The following PLPPR1 variants were observed in gnomAD, a reference collection of about 807,000 sequenced individuals.
The protein encoded by PLPPR1 is phospholipid phosphatase-related protein type 1.
Under a neutral mutation model 33.1 loss-of-function variants are expected in PLPPR1, and 10 were observed. That is an observed-to-expected ratio of 0.30 (90% CI 0.19 to 0.51). The LOEUF is 0.51. Among genes scored for constraint, PLPPR1 ranks in the 20% least tolerant of loss-of-function variants. The pLI, the probability that PLPPR1 is intolerant of heterozygous loss-of-function variation, is 0.97. For synonymous variants in PLPPR1, 151 were observed against 151.0 expected (o/e 1.00, Z 0.00); for missense variants, 304 against 408.1 (o/e 0.74, Z 2.20).
At position 101,324,889 on chromosome 9, in the gene PLPPR1, CAG is replaced by C. The variant is rs1037808952; in HGVS notation, c.*836_*837del. On this transcript the variant is annotated 3_prime_UTR_variant, in exon 8 of 8. Transcript: ENST00000374874. ...CAGTATTATTTTACAGAAAAGGAATCAGAGAATCTACAACATAGGGCCCCAGA... is the reference window on the plus strand; with the variant it reads ...CAGTATTATTTTACAGAAAAGGAATCAGAATCTACAACATAGGGCCCCAGA... The C allele has an allele frequency of 6.6e-6, 1 of 152,586 alleles. No individual in the cohort carries two copies. The highest frequency in any genetic ancestry group is 1.5e-5 in the Non-Finnish European group (1 of 68,026). The allele number at this position is 152,586 out of a possible 1,614,324, so 9.5% of individuals were successfully genotyped here.
intron 1 of PLPPR1, among the ~76,000 whole-genome samples, chr9:101,054,016 T>C (rs1404462860): frequency 3.9e-5 from 6 of 152,060 alleles, no homozygotes; most frequent in Non-Finnish European, 7.4e-5. Context: ...AAACCCCGTC[T>C]CTACTAAAAA....
intron 6 of PLPPR1, among the ~76,000 whole-genome samples, chr9:101,316,984 T>C (rs1359085534): frequency 1.3e-5 from 2 of 152,074 alleles, no homozygotes; most frequent in South Asian, 4.1e-4. Context: ...CTTATGAAAT[T>C]GTTGGGTGGG....
At chr9:101,146,328 A>G (rs905852039) in intron 1 of PLPPR1, among the ~76,000 whole-genome samples, 1 of 152,200 alleles carries the variant, frequency 6.6e-6, no homozygotes, top group South Asian at 2.1e-4. Flanking sequence ...ACAGTCTTGA[A>G]TGAAAAAGGG....
intron 1 of PLPPR1, among the ~76,000 whole-genome samples, chr9:101,034,765 T>C (rs1231681378): frequency 3.3e-5 from 5 of 151,800 alleles, no homozygotes; most frequent in East Asian, 1.9e-4. Context: ...GCTTTGACTT[T>C]ATGCTCAGGA....
chr9:101,150,822 T>C lies in PLPPR1; in HGVS notation c.-45-34628T>C, dbSNP rs552657752. On this transcript the variant is annotated intron_variant, in intron 1 of 7. Transcript: ENST00000374874. ...GGATATGACCTGCTTCTTTATGATA[T>C]GTTTGTGAACTCAGATCTCATTGCC... 3.3e-5 allele frequency among the ~76,000 whole-genome samples: 5 copies of C among 152,220 alleles called. No individual in the cohort carries two copies. In the East Asian group the frequency reaches 9.7e-4, roughly 29 times the overall value.
intron 2 of PLPPR1, among the ~76,000 whole-genome samples, chr9:101,259,303 T>C (rs1028698733): frequency 2.0e-5 from 3 of 152,172 alleles, no homozygotes; most frequent in African/African-American, 7.2e-5. Flanking sequence ...TGGCTTGGAC[T>C]CTATTCGAAT....
At chr9:101,072,531 C>A (rs1051288920) in intron 1 of PLPPR1, among the ~76,000 whole-genome samples, 1 of 151,956 alleles carries the variant, frequency 6.6e-6, no homozygotes, top group Non-Finnish European at 1.5e-5. Context: ...TAACAAATCA[C>A]GCTGTGCCAC....
intron 2 of PLPPR1, among the ~76,000 whole-genome samples, chr9:101,210,230 C>A (rs537742032): frequency 6.6e-6 from 1 of 152,226 alleles, no homozygotes; most frequent in South Asian, 2.1e-4. Context: ...ATTGCATATA[C>A]CTTGAAGAAA....
At chr9:101,029,644 A>T (rs534847306) in intron 1 of PLPPR1, among the ~76,000 whole-genome samples, 29 of 152,030 alleles carry the variant, frequency 1.9e-4, no homozygotes, top group Non-Finnish European at 2.1e-4. Flanking sequence ...TGTGTGTGTC[A>T]CCTGGAAAAT....
chr9:101,049,264 G>C (rs1299212480), intron 1 of PLPPR1, among the ~76,000 whole-genome samples: 1 of 152,098 alleles, frequency 6.6e-6, no homozygotes, highest in Non-Finnish European at 1.5e-5. Context: ...AAAAATAAGG[G>C]TATGAATATT....
intron 5 of PLPPR1, among the ~76,000 whole-genome samples, chr9:101,311,058 T>G (rs56198539): frequency 0.073 from 11,160 of 152,194 alleles, 455 homozygotes; most frequent in South Asian, 0.14. Context: ...CCTAATTATC[T>G]AGAACCTAAA....
rs1473791985 is a variant in PLPPR1 at position 101,040,615 on chromosome 9, C to T, written c.-46+11513C>T. Among the ~76,000 whole-genome samples the T allele has an allele frequency of 3.3e-5, 5 of 152,286 alleles. No individual in the cohort carries two copies. In the East Asian group the frequency reaches 5.8e-4, roughly 18 times the overall value. ...GTTCTGCAAAAACTTGAATGTCTCC[C>T]TTTCCCACCACCACATCTGCTCAAG... is the stretch of plus-strand genomic sequence containing the variant. On this transcript the variant is annotated intron_variant, in intron 1 of 7. Coordinates refer to ENST00000374874, the MANE Select transcript of PLPPR1 (RefSeq NM_207299.2).
chr9:101,312,925 C>T lies in PLPPR1; in HGVS notation c.764C>T (p.Ser255Leu), dbSNP rs769495669. The change falls in exon 6 of 8, where the codon TCG (serine) becomes TTG (leucine). Residue 255 changes from serine (S) to leucine (L), a missense_variant. Transcript: ENST00000374874. ...NRVSEYRNHC[S>L]DVIAGFILGT... ...GTCTCTGAGTATCGGAACCACTGCT[C>T]GGACGTGATTGCTGGTTTCATCCTG... 8 of 1,614,024 alleles carry T rather than the reference C, an allele frequency of 5.0e-6. No individual in the cohort carries two copies. The highest frequency in any genetic ancestry group is 1.3e-5 in the African/African-American group (1 of 74,904).
chr9:101,159,824 C>T (rs1397165275), intron 1 of PLPPR1, among the ~76,000 whole-genome samples: 9 of 152,202 alleles, frequency 5.9e-5, no homozygotes, highest in Non-Finnish European at 1.2e-4. Flanking sequence ...AAATGAACAA[C>T]TACTGTATTC....
rs1298517387 is a variant in PLPPR1 at position 101,195,936 on chromosome 9, C to G, written c.63+10379C>G. Among the ~76,000 whole-genome samples, 5 of 152,280 alleles carry G rather than the reference C, an allele frequency of 3.3e-5. No homozygotes were observed. In the South Asian group the frequency reaches 8.3e-4, roughly 25 times the overall value. ...GGAGCATAAGCCCAGGCAACCATTC[C>G]AAGATAATGGCAGACTCTGAAGTGA... On this transcript the variant is annotated intron_variant, in intron 2 of 7. Coordinates refer to ENST00000374874, the MANE Select transcript of PLPPR1 (RefSeq NM_207299.2).
intron 2 of PLPPR1, among the ~76,000 whole-genome samples, chr9:101,248,165 A>G (rs1472108339): frequency 6.6e-6 from 1 of 152,034 alleles, no homozygotes; most frequent in Non-Finnish European, 1.5e-5. Context: ...AAATGTGAAG[A>G]CACCATTGAA....
chr9:101,293,526 A>G (rs1238613605), intron 4 of PLPPR1, among the ~76,000 whole-genome samples: 6 of 152,176 alleles, frequency 3.9e-5, no homozygotes, highest in African/African-American at 1.2e-4. Flanking sequence ...CACCACACCT[A>G]TTCCAAAATT....
At chr9:101,288,082 G>C (rs888592002) in intron 4 of PLPPR1, among the ~76,000 whole-genome samples, 2 of 152,122 alleles carry the variant, frequency 1.3e-5, no homozygotes, top group African/African-American at 4.8e-5. Context: ...CTTGGAGCAG[G>C]GTCCAAGGAA....
At chr9:101,072,156 C>T (rs371730253) in intron 1 of PLPPR1, among the ~76,000 whole-genome samples, 2 of 152,194 alleles carry the variant, frequency 1.3e-5, no homozygotes, top group South Asian at 2.1e-4. Context: ...AGTCTAGCGT[C>T]AATACTGTAA....
Sources: allele counts gnomAD v4.1 joint callset (sites outside exome capture counted in the v4.1 genomes callset), GRCh38; gene constraint gnomAD v4.1.1; transcripts MANE v1.5; gene names NCBI Gene and HGNC (gene_info 2026-07-23, HGNC 2026-07-21).